The following CNIH3 variants were observed in gnomAD, a reference collection of about 807,000 sequenced individuals.
CNIH3 encodes protein cornichon homolog 3.
Under a neutral mutation model 24.1 loss-of-function variants are expected in CNIH3, and 14 were observed. The observed-to-expected ratio is 0.58, with a 90% CI of 0.38 to 0.91. The LOEUF (loss-of-function observed/expected upper bound fraction) is 0.91. Ranked by LOEUF, CNIH3 falls within the 40% of genes least tolerant of loss-of-function variation. CNIH3 has a pLI of 0.00. For missense variants in CNIH3, 178 were observed against 196.8 expected, an observed-to-expected ratio of 0.90 and a Z score of 0.57; for synonymous variants, 68 against 73.8, an observed-to-expected ratio of 0.92 and a Z score of 0.40.
chr1:224,599,998 G>A (rs963505612), intron 3 of CNIH3, among the ~76,000 whole-genome samples: 2 of 152,114 alleles, frequency 1.3e-5, no homozygotes, highest in African/African-American at 4.8e-5. Context: ...TCTCAAATAA[G>A]TTACTTTCTC....
intron 1 of CNIH3, among the ~76,000 whole-genome samples, chr1:224,479,981 C>A (rs1676742476): frequency 6.6e-6 from 1 of 152,164 alleles, no homozygotes; most frequent in Non-Finnish European, 1.5e-5. Flanking sequence ...GGGCTTCGAC[C>A]CCACATTTCC....
intron 1 of CNIH3, among the ~76,000 whole-genome samples, chr1:224,507,829 T>G (rs964127171): frequency 2.0e-5 from 3 of 152,242 alleles, no homozygotes; most frequent in Non-Finnish European, 4.4e-5. Context: ...ATATTTACTA[T>G]GTGCAATGCA....
intron 3 of CNIH3, among the ~76,000 whole-genome samples, chr1:224,712,018 T>C (rs1486645211): frequency 6.6e-6 from 1 of 152,096 alleles, no homozygotes; most frequent in Non-Finnish European, 1.5e-5. Context: ...CCAAAGGCCC[T>C]TTCCCCAGGC....
At chr1:224,462,067 C>T (rs952056333) in intron 1 of CNIH3, among the ~76,000 whole-genome samples, 4 of 152,074 alleles carry the variant, frequency 2.6e-5, no homozygotes, top group African/African-American at 9.7e-5. Flanking sequence ...AGGGTGTTCT[C>T]ATATACACCC....
intron 1 of CNIH3, among the ~76,000 whole-genome samples, chr1:224,620,062 T>A (rs1438786527): frequency 6.6e-6 from 1 of 152,226 alleles, no homozygotes; most frequent in Non-Finnish European, 1.5e-5. Context: ...TCAAGTCTTG[T>A]TTTTTACTTT....
At chr1:224,737,074 G>C (rs1395021293) in intron 5 of CNIH3, among the ~76,000 whole-genome samples, 1 of 152,144 alleles carries the variant, frequency 6.6e-6, no homozygotes, top group African/African-American at 2.4e-5. Flanking sequence ...TTTAGCCTGG[G>C]ATCCACCTCA....
At chr1:224,466,586 A>G (rs566003567) in intron 1 of CNIH3, among the ~76,000 whole-genome samples, 3 of 152,320 alleles carry the variant, frequency 2.0e-5, no homozygotes, top group African/African-American at 7.2e-5. Context: ...TGCAGAGCGC[A>G]TATAGGTTTT....
intron 3 of CNIH3, among the ~76,000 whole-genome samples, chr1:224,688,893 C>T (rs924866177): frequency 6.6e-6 from 1 of 150,592 alleles, no homozygotes. Flanking sequence ...CCATTGCACT[C>T]CAGCCTGGGC....
Position 224,728,597 on chromosome 1 carries a change from G to T in CNIH3, c.199-1865G>T, listed in dbSNP as rs557402590. 5.9e-5 allele frequency among the ~76,000 whole-genome samples: 9 copies of T among 152,320 alleles called. No individual in the cohort carries two copies. In the South Asian group the frequency reaches 1.0e-3, roughly 18 times the overall value. On this transcript the variant is annotated intron_variant, in intron 3 of 5. Transcript: ENST00000272133. Reference sequence around the variant, plus strand: ...CCCATAGTTACAAAATGTCTTACACGTGTGCTGTGCATGTCTTTATTTTTA... The same window carrying T: ...CCCATAGTTACAAAATGTCTTACACTTGTGCTGTGCATGTCTTTATTTTTA...
intron 3 of CNIH3, among the ~76,000 whole-genome samples, chr1:224,727,529 C>T (rs1026604746): frequency 6.6e-6 from 1 of 152,196 alleles, no homozygotes; most frequent in Admixed American, 6.5e-5. Context: ...CTGCCCACAG[C>T]CCATCAGCAG....
At chr1:224,520,114 C>G (rs959352950) in intron 1 of CNIH3, among the ~76,000 whole-genome samples, 5 of 152,166 alleles carry the variant, frequency 3.3e-5, no homozygotes, top group African/African-American at 9.7e-5. Context: ...GCACCATTTA[C>G]TATTATTATT....
intron 1 of CNIH3, among the ~76,000 whole-genome samples, chr1:224,439,117 G>A (rs183318229): frequency 2.7e-4 from 41 of 152,140 alleles, no homozygotes; most frequent in African/African-American, 9.9e-4. Context: ...AGTGGGTGAA[G>A]GGCATAGTCA....
intron 1 of CNIH3, among the ~76,000 whole-genome samples, chr1:224,507,819 A>G (rs1677980444): frequency 6.6e-6 from 1 of 152,184 alleles, no homozygotes; most frequent in Non-Finnish European, 1.5e-5. Context: ...ACATTTAGAG[A>G]TATTTACTAT....
At chr1:224,702,810 A>G (rs1258706456) in intron 3 of CNIH3, among the ~76,000 whole-genome samples, 2 of 152,112 alleles carry the variant, frequency 1.3e-5, no homozygotes, top group Admixed American at 1.3e-4. Context: ...CCTTGCAGAC[A>G]CCAAGATCCT....
intron 3 of CNIH3, among the ~76,000 whole-genome samples, chr1:224,549,084 T>C (rs1417402330): frequency 6.6e-6 from 1 of 152,090 alleles, no homozygotes; most frequent in African/African-American, 2.4e-5. Flanking sequence ...GTACACATTA[T>C]TACAAATAAT....
chr1:224,511,535 T>C (rs879357907), upstream of CNIH3, among the ~76,000 whole-genome samples: 8 of 152,218 alleles, frequency 5.3e-5, no homozygotes, highest in Non-Finnish European at 1.0e-4. Context: ...CCTTTCAGTT[T>C]CTTTCCTTCT....
intron 1 of CNIH3, among the ~76,000 whole-genome samples, chr1:224,448,149 A>G (rs929221340): frequency 6.6e-6 from 1 of 152,086 alleles, no homozygotes; most frequent in African/African-American, 2.4e-5. Flanking sequence ...AAGTGGGAGG[A>G]TTGCTTGAGC....
chr1:224,547,107 G>A (rs535092831), intron 3 of CNIH3, among the ~76,000 whole-genome samples: 2 of 152,304 alleles, frequency 1.3e-5, no homozygotes, highest in South Asian at 4.1e-4. Flanking sequence ...CTCCAAAATT[G>A]CAAGATTTCC....
chr1:224,499,053 A>G (rs896090635), intron 1 of CNIH3, among the ~76,000 whole-genome samples: 1 of 152,242 alleles, frequency 6.6e-6, no homozygotes, highest in Non-Finnish European at 1.5e-5. Flanking sequence ...TGGGAGTGCC[A>G]TGATTTAGAT....
Sources: allele counts gnomAD v4.1 joint callset (sites outside exome capture counted in the v4.1 genomes callset), GRCh38; gene constraint gnomAD v4.1.1; transcripts MANE v1.5; gene names NCBI Gene and HGNC (gene_info 2026-07-23, HGNC 2026-07-21).